Variants in ALDH7A1 observed in about 807,000 individuals in gnomAD.
ALDH7A1 encodes the protein aldehyde dehydrogenase 7 family member A1.
A neutral mutation model predicts 79.9 loss-of-function variants in ALDH7A1; 63 were observed. That is an observed-to-expected ratio of 0.79 (90% CI 0.64 to 0.97). The LOEUF is 0.97. Ranked by LOEUF, ALDH7A1 falls within the 50% of genes least tolerant of loss-of-function variation. The pLI, the probability that ALDH7A1 is intolerant of heterozygous loss-of-function variation, is 0.00. For synonymous variants in ALDH7A1, 240 were observed against 231.2 expected, an observed-to-expected ratio of 1.04 and a Z score of -0.34; for missense variants, 627 against 665.2, an observed-to-expected ratio of 0.94 and a Z score of 0.63.
Position 126,571,150 on chromosome 5 carries a change from A to ATTT in ALDH7A1, c.696-294_696-292dup, listed in dbSNP as rs386404930. 949 of 221,622 alleles carry ATTT rather than the reference A, an allele frequency of 4.3e-3. 9 individuals are homozygous for ATTT. The highest frequency in any genetic ancestry group is 9.8e-3 in the South Asian group (218 of 22,150). The allele number at this position is 221,622 out of a possible 1,614,324, so 13.7% of individuals were successfully genotyped here. On this transcript the variant is annotated intron_variant, in intron 7 of 17. Coordinates refer to ENST00000409134, the MANE Select transcript of ALDH7A1 (RefSeq NM_001182.5). ...GCCGTTTTCAAAAAACTATTAGCAG[A>ATTT]TTTTTTTTTTTTTTTTTTTTTTTTT...
chr5:126,584,037 G>A, intron 3 of ALDH7A1, 25 bp from the exon 4 acceptor site: 3 of 1,586,398 alleles, frequency 1.9e-6, no homozygotes, highest in Non-Finnish European at 2.6e-6. Flanking sequence ...CAATTTTTGT[G>A]TCTGATTCAA....
In ALDH7A1 at chr5:126,544,844, G is replaced by A. The variant is rs1749732118; in HGVS notation, c.*121C>T. 1 of 787,254 alleles carries A rather than the reference G, an allele frequency of 1.3e-6. No individual in the cohort carries two copies. The highest frequency in any genetic ancestry group is 2.2e-6 in the Non-Finnish European group (1 of 453,708). 48.8% of individuals were successfully genotyped at this position (787,254 alleles called of 1,614,324 possible). The stretch of plus-strand genomic sequence containing the variant: ...AATCAGGGCTTTGGGGTCATAGGGG[G>A]ATTAGTCACTGTCACAGTCATAATA... On this transcript the variant is annotated 3_prime_UTR_variant, in exon 18 of 18. Coordinates refer to ENST00000409134, the MANE Select transcript of ALDH7A1 (RefSeq NM_001182.5).
At chr5:126,590,140 C>T (rs1049072296) in intron 3 of ALDH7A1, among the ~76,000 whole-genome samples, 2 of 148,938 alleles carry the variant, frequency 1.3e-5, no homozygotes, top group Admixed American at 6.7e-5. Context: ...AAGTGAAGAG[C>T]GCCTCTGCCC....
chr5:126,564,132 G>T (rs1443587102), intron 9 of ALDH7A1, among the ~76,000 whole-genome samples: 1 of 152,058 alleles, frequency 6.6e-6, no homozygotes, highest in Non-Finnish European at 1.5e-5. Flanking sequence ...AAAGATCTGA[G>T]AGATGTGTTT....
chr5:126,558,166 C>CAAAAAAAAAAAAAAAAAAAAAAA (rs35559498), intron 11 of ALDH7A1, among the ~76,000 whole-genome samples: 7 of 75,426 alleles, frequency 9.3e-5, no homozygotes, highest in African/African-American at 1.7e-4. Context: ...GACTCCAACT[C>CAAAAAAAAAAAAAAAAAAAAAAA]AAAAAAAAAA....
In ALDH7A1 at chr5:126,572,745, A is replaced by T. The variant is rs145164168; in HGVS notation, c.696-1886T>A. Among the ~76,000 whole-genome samples the T allele has an allele frequency of 4.4e-3, 677 of 152,310 alleles. 2 individuals carry two copies. The highest frequency in any genetic ancestry group is 7.4e-3 in the Non-Finnish European group (505 of 68,024). ...GGTTTCTGTGGGGCATTAGGCTTTA[A>T]GCCAAGGTAACCCCACACCTCTCCA... On this transcript the variant is annotated intron_variant, in intron 7 of 17. Coordinates refer to ENST00000409134, the MANE Select transcript of ALDH7A1 (RefSeq NM_001182.5).
At chr5:126,558,058 C>T (rs1750263263) in intron 11 of ALDH7A1, among the ~76,000 whole-genome samples, 1 of 149,782 alleles carries the variant, frequency 6.7e-6, no homozygotes, top group African/African-American at 2.5e-5. Context: ...GTCCCAGCTA[C>T]TCAGGAGGGT....
At chr5:126,548,946 T>C (rs926637370) in intron 16 of ALDH7A1, among the ~76,000 whole-genome samples, 5 of 146,456 alleles carry the variant, frequency 3.4e-5, no homozygotes, top group Non-Finnish European at 7.5e-5. Context: ...TGGAGGCACA[T>C]GCCTGTAATC....
chr5:126,555,632 C>T (rs141379691), intron 12 of ALDH7A1, among the ~76,000 whole-genome samples: 2 of 152,018 alleles, frequency 1.3e-5, no homozygotes, highest in African/African-American at 4.8e-5. Flanking sequence ...TTAGGGGATT[C>T]TTGCAGCCTT....
At chr5:126,550,539 T>C (rs1424237179) in intron 14 of ALDH7A1, among the ~76,000 whole-genome samples, 1 of 146,456 alleles carries the variant, frequency 6.8e-6, no homozygotes, top group Non-Finnish European at 1.6e-5. Flanking sequence ...TTCAAGCTAC[T>C]ACATATAATA....
At chr5:126,570,705 A>C in intron 8 of ALDH7A1, 77 bp downstream of exon 8, 1 of 1,365,774 alleles carries the variant, frequency 7.3e-7, no homozygotes, top group South Asian at 1.2e-5. Flanking sequence ...AAGTGAGTTC[A>C]TTATTCTAGT....
chr5:126,589,346 G>A (rs1162099406), intron 3 of ALDH7A1, among the ~76,000 whole-genome samples: 3 of 152,006 alleles, frequency 2.0e-5, no homozygotes, highest in South Asian at 2.1e-4. Flanking sequence ...TAGTAGAAAC[G>A]GGGTTTCTCC....
Position 126,577,153 on chromosome 5 carries a change from C to G in ALDH7A1, c.576G>C (p.Thr192=). ...WNPVGLVGII[T]AFNFPVAVYG... ...ACACTGCCACAGGGAAATTGAATGC[C>G]GTGATGATTCCAACCAGGCCTACGG... The change falls in exon 6 of 18, where the codon ACG becomes ACC. Residue 192 remains threonine (T), a synonymous_variant. Transcript: ENST00000409134. 6.2e-7 allele frequency: 1 copy of G among 1,614,034 alleles called. No homozygotes were observed. Among genetic ancestry groups the G allele is most frequent in the Non-Finnish European group, 8.5e-7 (1 of 1,180,030 alleles).
At position 126,555,917 on chromosome 5, in the gene ALDH7A1, A is replaced by G; in HGVS notation, c.1093+14T>C. The G allele has an allele frequency of 6.2e-7, 1 of 1,601,298 alleles. No individual in the cohort carries two copies. The highest frequency in any genetic ancestry group is 8.6e-7 in the Non-Finnish European group (1 of 1,168,632). On this transcript the variant is annotated intron_variant, in intron 12 of 17. Coordinates refer to ENST00000409134, the MANE Select transcript of ALDH7A1 (RefSeq NM_001182.5). ...CAAAAAGGGATCGCTTTGAAAGCAG[A>G]AGGAGATACTCACGGTCCCATGGGT... is the stretch of plus-strand genomic sequence containing the variant.
At chr5:126,558,160 C>G in intron 11 of ALDH7A1, among the ~76,000 whole-genome samples, 1 of 89,630 alleles carries the variant, frequency 1.1e-5, no homozygotes. Flanking sequence ...GAGCGAGACT[C>G]CAACTCAAAA....
At chr5:126,564,638 C>T in intron 9 of ALDH7A1, 1 of 1,111,046 alleles carries the variant, frequency 9.0e-7, no homozygotes, top group Non-Finnish European at 1.2e-6. Flanking sequence ...GAAGACATGG[C>T]TGTTACTACC....
chr5:126,582,642 A>G, intron 5 of ALDH7A1: 1 of 612,992 alleles, frequency 1.6e-6, no homozygotes, highest in Non-Finnish European at 2.7e-6. Context: ...ACTTGCCAAC[A>G]TTAAGTTTTA....
At chr5:126,546,961 A>G (rs1561646956) in intron 16 of ALDH7A1, among the ~76,000 whole-genome samples, 4 of 152,258 alleles carry the variant, frequency 2.6e-5, no homozygotes, top group Admixed American at 2.6e-4. Flanking sequence ...CAGAAAAATC[A>G]CAGCTGAATG....
chr5:126,554,704 C>T, intron 12 of ALDH7A1: 1 of 394,672 alleles, frequency 2.5e-6, no homozygotes, highest in Non-Finnish European at 4.8e-6. Context: ...GTCTGTTTGC[C>T]AATCTCTAGT....
Sources: gnomAD v4.1 joint callset for allele counts (sites outside exome capture counted in the v4.1 genomes callset) on GRCh38, gnomAD v4.1.1 for gene constraint, MANE v1.5 for transcripts, NCBI Gene and HGNC (gene_info 2026-07-23, HGNC 2026-07-21) for gene names.